Variants in MITF observed in about 807,000 individuals in gnomAD.
The protein encoded by MITF is melanocyte inducing transcription factor.
Under a neutral mutation model 60.5 loss-of-function variants are expected in MITF, and 17 were observed. The ratio of observed to expected loss-of-function variants is 0.28; its 90% CI spans 0.19 to 0.42. MITF has a LOEUF of 0.42. Ranked by LOEUF, MITF falls within the 10% of genes least tolerant of loss-of-function variation. The pLI is 1.00. For synonymous variants in MITF, 260 were observed against 248.5 expected (o/e 1.05, Z -0.43); for missense variants, 622 against 683.5 (o/e 0.91, Z 1.00).
intron 1 of MITF, among the ~76,000 whole-genome samples, chr3:69,755,239 G>A (rs1421268356): frequency 1.3e-5 from 2 of 152,184 alleles, no homozygotes; most frequent in African/African-American, 4.8e-5. Context: ...TACCAAGGCT[G>A]TGTAGCACTG....
At chr3:69,826,962 G>A (rs114071551) in intron 1 of MITF, among the ~76,000 whole-genome samples, 63 of 152,078 alleles carry the variant, frequency 4.1e-4, no homozygotes, top group African/African-American at 1.5e-3. Flanking sequence ...ATTATTACCT[G>A]CCTGTTGTAT....
chr3:69,791,635 A>G lies in MITF; in HGVS notation c.104+51934A>G, dbSNP rs557029808. Among the ~76,000 whole-genome samples the G allele has an allele frequency of 2.6e-5, 4 of 152,312 alleles. No homozygotes were observed. The South Asian group carries it at 8.3e-4, about 32-fold the overall frequency. ...AAACCTTGGGTATTTGAAAGTTCAAACTGGCACAGTTTTTTCTCTTTTAAA... is the reference window on the plus strand; with the variant it reads ...AAACCTTGGGTATTTGAAAGTTCAAGCTGGCACAGTTTTTTCTCTTTTAAA... On this transcript the variant is annotated intron_variant, in intron 1 of 9. Coordinates refer to ENST00000352241, the MANE Select transcript of MITF (RefSeq NM_001354604.2).
chr3:69,922,211 G>A (rs971228160), intron 2 of MITF, among the ~76,000 whole-genome samples: 2 of 152,076 alleles, frequency 1.3e-5, no homozygotes, highest in African/African-American at 4.8e-5. Context: ...ATAGAGATTT[G>A]AGGATTGACT....
chr3:69,870,392 GT>G (rs2064207492), intron 1 of MITF, among the ~76,000 whole-genome samples: 2 of 147,302 alleles, frequency 1.4e-5, no homozygotes, highest in African/African-American at 5.0e-5. Context: ...ATATATATGT[GT>G]ATAAATATAT....
chr3:69,770,886 G>T (rs2062383258), intron 1 of MITF, among the ~76,000 whole-genome samples: 1 of 152,172 alleles, frequency 6.6e-6, no homozygotes, highest in East Asian at 1.9e-4. Flanking sequence ...ACTATTCAAA[G>T]ATAAGAATGA....
intron 9 of MITF, among the ~76,000 whole-genome samples, chr3:69,960,471 G>A (rs1329813786): frequency 1.3e-5 from 2 of 152,150 alleles, no homozygotes; most frequent in Non-Finnish European, 2.9e-5. Context: ...GGCGTCTCTT[G>A]TTGAGTGAAA....
At chr3:69,923,910 G>A (rs1285963664) in intron 2 of MITF, among the ~76,000 whole-genome samples, 1 of 151,446 alleles carries the variant, frequency 6.6e-6, no homozygotes, top group Non-Finnish European at 1.5e-5. Context: ...ATAGGTTTTT[G>A]TTTGTTTTTT....
chr3:69,924,121 A>T (rs2107440496), intron 2 of MITF, among the ~76,000 whole-genome samples: 1 of 152,190 alleles, frequency 6.6e-6, no homozygotes, highest in Non-Finnish European at 1.5e-5. Flanking sequence ...CAAGTTTTTT[A>T]AAAAATGTTT....
chr3:69,879,427 A>G (rs367984872), intron 2 of MITF, 44 bp downstream of exon 2: 25 of 1,613,254 alleles, frequency 1.5e-5, no homozygotes, highest in Middle Eastern at 1.6e-4. Context: ...ACTCTCTTCC[A>G]TTTTCCATTT....
intron 1 of MITF, among the ~76,000 whole-genome samples, chr3:69,797,527 G>A (rs1449941447): frequency 6.6e-6 from 1 of 152,082 alleles, no homozygotes; most frequent in African/African-American, 2.4e-5. Context: ...GATTTTGAAG[G>A]GGTATAGGTG....
At chr3:69,809,632 T>A (rs529373928) in intron 1 of MITF, among the ~76,000 whole-genome samples, 1 of 152,186 alleles carries the variant, frequency 6.6e-6, no homozygotes, top group Non-Finnish European at 1.5e-5. Context: ...GTACATTTTT[T>A]TTTTTTTTTT....
At chr3:69,790,663 T>C (rs962465002) in intron 1 of MITF, among the ~76,000 whole-genome samples, 5 of 152,174 alleles carry the variant, frequency 3.3e-5, no homozygotes, top group African/African-American at 1.2e-4. Flanking sequence ...GTGGTCAATA[T>C]TTTTTAAAAA....
In MITF at chr3:69,807,811, T is replaced by C. The variant is rs142837998; in HGVS notation, c.104+68110T>C. ...ACAATGGCAGCTTCTCTAGACTTGATCTAAAGTGTAGCATAGTTGGTAACT... is the reference window on the plus strand; with the variant it reads ...ACAATGGCAGCTTCTCTAGACTTGACCTAAAGTGTAGCATAGTTGGTAACT... On this transcript the variant is annotated intron_variant, in intron 1 of 9. Coordinates refer to ENST00000352241, the MANE Select transcript of MITF (RefSeq NM_001354604.2). 4.3e-3 allele frequency among the ~76,000 whole-genome samples: 656 copies of C among 152,288 alleles called. 3 individuals carry two copies. Among genetic ancestry groups the C allele is most frequent in the African/African-American group, 0.015 (628 of 41,554 alleles).
chr3:69,807,668 G>A (rs1366103303), intron 1 of MITF, among the ~76,000 whole-genome samples: 1 of 152,188 alleles, frequency 6.6e-6, no homozygotes, highest in Admixed American at 6.5e-5. Context: ...AACTTCTATG[G>A]TGGATAAGCC....
chr3:69,828,911 T>C (rs894543212), intron 1 of MITF, among the ~76,000 whole-genome samples: 24 of 151,250 alleles, frequency 1.6e-4, no homozygotes, highest in Middle Eastern at 6.4e-3. Context: ...AACAAAAACA[T>C]TGGCATCTGA....
At chr3:69,840,344 AATCC>A (rs2063613228) in intron 1 of MITF, among the ~76,000 whole-genome samples, 1 of 152,196 alleles carries the variant, frequency 6.6e-6, no homozygotes, top group Non-Finnish European at 1.5e-5. Context: ...TGGAACACTT[AATCC>A]ATCGTGTCAC....
At chr3:69,904,532 C>G (rs941350101) in intron 2 of MITF, among the ~76,000 whole-genome samples, 1 of 152,168 alleles carries the variant, frequency 6.6e-6, no homozygotes, top group Admixed American at 6.6e-5. Context: ...ATGTGAAGTG[C>G]CCCAAGGTTT....
At chr3:69,913,177 C>T (rs1308119766) in intron 2 of MITF, among the ~76,000 whole-genome samples, 1 of 151,788 alleles carries the variant, frequency 6.6e-6, no homozygotes, top group African/African-American at 2.4e-5. Flanking sequence ...TTGAATTAGC[C>T]TATAAATAAA....
intron 2 of MITF, among the ~76,000 whole-genome samples, chr3:69,892,494 A>G (rs934723262): frequency 6.6e-6 from 1 of 152,202 alleles, no homozygotes; most frequent in Non-Finnish European, 1.5e-5. Flanking sequence ...TGTGCATTCC[A>G]TGAATTTGGG....
Sources: allele counts gnomAD v4.1 joint callset (sites outside exome capture counted in the v4.1 genomes callset), GRCh38; gene constraint gnomAD v4.1.1; transcripts MANE v1.5; gene names NCBI Gene and HGNC (gene_info 2026-07-23, HGNC 2026-07-21).